Variants in RIPK1 observed in about 807,000 individuals in gnomAD.
RIPK1 encodes the protein receptor-interacting serine/threonine-protein kinase 1.
Under a neutral mutation model 62.4 loss-of-function variants are expected in RIPK1, and 27 were observed. The observed-to-expected ratio is 0.43, with a 90% CI of 0.32 to 0.60. The LOEUF is 0.60. Ranked by LOEUF, RIPK1 falls within the 20% of genes least tolerant of loss-of-function variation. The pLI is 0.07. For synonymous variants in RIPK1, 287 were observed against 303.2 expected, an observed-to-expected ratio of 0.95 and a Z score of 0.55; for missense variants, 735 against 831.0, an observed-to-expected ratio of 0.88 and a Z score of 1.42.
At position 3,105,338 on chromosome 6, in the gene RIPK1, G is replaced by A. The variant is rs537231657; in HGVS notation, c.1007-144G>A. ...TTATTTGTAAAGCTTGTGGGAAGAG[G>A]ACCATCTCCTAAATGCTTTGGACTG... On this transcript the variant is annotated intron_variant, in intron 8 of 10. Coordinates refer to ENST00000259808, the MANE Select transcript of RIPK1 (RefSeq NM_001354930.2). The surrounding 1 kb of genome is among the most constrained non-coding windows in gnomAD (Gnocchi z 4.5). 4.8e-6 allele frequency: 3 copies of A among 619,484 alleles called. No individual in the cohort carries two copies. Among genetic ancestry groups the A allele is most frequent in the South Asian group, 5.4e-5 (2 of 36,926 alleles). 38.4% of individuals were successfully genotyped at this position (619,484 alleles called of 1,614,324 possible).
chr6:3,068,727 CT>C (rs1290836351), intron 1 of RIPK1, 66 bp downstream of exon 1: 12 of 951,762 alleles, frequency 1.3e-5, no homozygotes, highest in African/African-American at 1.1e-4. Context: ...GGTGACCCCC[CT>C]GGTCGGGGTT....
At chr6:3,070,532 G>T (rs770984637) in intron 1 of RIPK1, among the ~76,000 whole-genome samples, 2 of 152,196 alleles carry the variant, frequency 1.3e-5, no homozygotes, top group Non-Finnish European at 2.9e-5. Context: ...TCGCCTCCCG[G>T]GTTCAAGCAG....
intron 7 of RIPK1, among the ~76,000 whole-genome samples, chr6:3,095,237 T>C (rs1171873341): frequency 6.6e-6 from 1 of 152,194 alleles, no homozygotes; most frequent in African/African-American, 2.4e-5. Flanking sequence ...AAAAGTTCAA[T>C]TTAGCAAAGC....
chr6:3,064,212 G>T (rs1390920225), upstream of RIPK1, among the ~76,000 whole-genome samples: 3 of 151,852 alleles, frequency 2.0e-5, no homozygotes, highest in Non-Finnish European at 4.4e-5. Flanking sequence ...GGTCAGCAAC[G>T]GTCTGTGGGG....
intron 7 of RIPK1, among the ~76,000 whole-genome samples, chr6:3,094,096 CTAGTAACTGCAGAG>C (rs1760144029): frequency 4.2e-5 from 6 of 141,550 alleles, no homozygotes; most frequent in Admixed American, 4.1e-4. Context: ...CCTCCTGCAC[CTAGTAACTGCAGAG>C]TACCTACCTG....
At chr6:3,089,803 C>T (rs1308346538) in intron 7 of RIPK1, 146 bp downstream of exon 7, 3 of 583,384 alleles carry the variant, frequency 5.1e-6, no homozygotes, top group East Asian at 2.8e-5. Flanking sequence ...ATTGTCTGCA[C>T]ATATCATCCT....
At chr6:3,104,084 A>G (rs1760709524) in intron 7 of RIPK1, 141 bp from the exon 8 acceptor site, 1 of 558,570 alleles carries the variant, frequency 1.8e-6, no homozygotes, top group Non-Finnish European at 3.2e-6. Flanking sequence ...TTTGGGAAAA[A>G]CATTAATTTT....
chr6:3,110,440 C>G (rs925663450), intron 9 of RIPK1, among the ~76,000 whole-genome samples: 1 of 152,014 alleles, frequency 6.6e-6, no homozygotes, highest in Non-Finnish European at 1.5e-5. Flanking sequence ...AACTCCTGAC[C>G]TCAGGTGATC....
intron 9 of RIPK1, among the ~76,000 whole-genome samples, chr6:3,110,031 T>C (rs1373561293): frequency 6.6e-6 from 1 of 152,220 alleles, no homozygotes; most frequent in Admixed American, 6.5e-5. Flanking sequence ...ACTCATCTGC[T>C]CATGGGTGCC....
At chr6:3,089,429 G>C in intron 6 of RIPK1, 152 bp from the exon 7 acceptor site, 2 of 600,850 alleles carry the variant, frequency 3.3e-6, no homozygotes, top group South Asian at 4.3e-5. Flanking sequence ...AATCTTATTA[G>C]TCTCTATCAG....
chr6:3,073,764 T>C (rs1460552542), intron 1 of RIPK1, among the ~76,000 whole-genome samples: 3 of 152,200 alleles, frequency 2.0e-5, no homozygotes, highest in East Asian at 1.9e-4. Context: ...TGCAACACCA[T>C]GGGCAGCCTA....
chr6:3,113,354 C>T lies in RIPK1; in HGVS notation c.*15C>T, dbSNP rs376644463. The T allele has an allele frequency of 1.6e-5, 25 of 1,606,672 alleles. No individual in the cohort carries two copies. Among genetic ancestry groups the T allele is most frequent in the East Asian group, 6.7e-5 (3 of 44,784 alleles). ...GCCAGAACTAACCCTGGATGGGCTA[C>T]GGCAGCTGAAGTGGACGCCTCACTT... On this transcript the variant is annotated 3_prime_UTR_variant, in exon 11 of 11. Coordinates refer to ENST00000259808, the MANE Select transcript of RIPK1 (RefSeq NM_001354930.2). The surrounding 1 kb of genome is among the most constrained non-coding windows in gnomAD (Gnocchi z 5.0).
intron 8 of RIPK1, 50 bp downstream of exon 8, chr6:3,104,365 A>G (rs558097599): frequency 2.0e-6 from 2 of 983,748 alleles, no homozygotes; most frequent in African/African-American, 1.6e-5. Flanking sequence ...TTGGTTACTC[A>G]TTCACTCCAC....
chr6:3,110,024 C>CATCT (rs1465340903), intron 9 of RIPK1, among the ~76,000 whole-genome samples: 3 of 152,178 alleles, frequency 2.0e-5, no homozygotes, highest in Non-Finnish European at 2.9e-5. Flanking sequence ...GTTATCCACT[C>CATCT]ATCTGCTCAT....
intron 4 of RIPK1, among the ~76,000 whole-genome samples, chr6:3,082,724 C>T (rs1759458956): frequency 6.6e-6 from 1 of 152,194 alleles, no homozygotes; most frequent in African/African-American, 2.4e-5. Context: ...ATTTTCCCCC[C>T]AAGCCCTAGA....
chr6:3,094,450 C>CA (rs1204104405), intron 7 of RIPK1, among the ~76,000 whole-genome samples: 1 of 151,064 alleles, frequency 6.6e-6, no homozygotes, highest in Non-Finnish European at 1.5e-5. Flanking sequence ...TCCCTTGGAT[C>CA]AAAAAAAATA....
At chr6:3,073,859 A>G (rs1365313190) in intron 1 of RIPK1, among the ~76,000 whole-genome samples, 1 of 152,204 alleles carries the variant, frequency 6.6e-6, no homozygotes, top group Non-Finnish European at 1.5e-5. Context: ...TATGAAAAAC[A>G]CCAAGTCTGA....
chr6:3,067,495 G>C (rs919804101), upstream of RIPK1, among the ~76,000 whole-genome samples: 1 of 151,986 alleles, frequency 6.6e-6, no homozygotes, highest in African/African-American at 2.4e-5. Context: ...ACATGATGTT[G>C]AGCATCTTTT....
rs1225236112 is a variant in RIPK1, at chr6:3,077,834, C to T, written c.220C>T (p.Arg74Trp). The T allele has an allele frequency of 4.3e-6, 7 of 1,614,170 alleles. No homozygotes were observed. Among genetic ancestry groups the T allele is most frequent in the Admixed American group, 1.7e-5 (1 of 60,028 alleles). The part of the protein sequence containing the change: ...AKMMNRLRHS[R>W]VVKLLGVIIE... ...GATGATGAACAGACTGAGACACAGC[C>T]GGGTGGTGAAGCTCCTGGGCGTCAT... Residue 74 changes from arginine to tryptophan, a missense_variant, in exon 3 of 11, where the codon CGG becomes TGG. Transcript: ENST00000259808.
Sources: allele counts gnomAD v4.1 joint callset (sites outside exome capture counted in the v4.1 genomes callset), GRCh38; gene constraint gnomAD v4.1.1; non-coding constraint Gnocchi (gnomAD v3.1); transcripts MANE v1.5; gene names NCBI Gene and HGNC (gene_info 2026-07-23, HGNC 2026-07-21).